The following AZI2 variants were observed in gnomAD, a reference collection of about 807,000 sequenced individuals.
AZI2 encodes 5-azacytidine-induced protein 2.
A neutral mutation model predicts 45.8 loss-of-function variants in AZI2; 22 were observed. The ratio of observed to expected loss-of-function variants is 0.48; its 90% CI spans 0.34 to 0.69. The LOEUF is 0.69. Ranked by LOEUF, AZI2 falls within the 30% of genes least tolerant of loss-of-function variation. The probability of loss-of-function intolerance (pLI) is 0.01; values close to 1 mark genes in which losing one functional copy is unlikely to be tolerated. For missense variants in AZI2, 417 were observed against 441.5 expected, an observed-to-expected ratio of 0.94 and a Z score of 0.50; for synonymous variants, 137 against 156.7, an observed-to-expected ratio of 0.87 and a Z score of 0.94.
At position 28,324,469 on chromosome 3, in the gene AZI2, C is replaced by T. The variant is rs369262666; in HGVS notation, c.767-15G>A. ...AGGGGCACAGGCTAAAAAGAAAACA[C>T]AGACTAAATGTCAGTTTTCATTACA... On this transcript the variant is annotated splice_polypyrimidine_tract_variant and intron_variant, in intron 7 of 7. Transcript: ENST00000479665. The T allele has an allele frequency of 3.2e-5, 47 of 1,450,288 alleles. No individual in the cohort carries two copies. The highest frequency in any genetic ancestry group is 4.2e-5 in the Non-Finnish European group (46 of 1,094,858). The allele number at this position is 1,450,288 out of a possible 1,614,324, so 89.8% of individuals were successfully genotyped here. A position where few individuals can be genotyped will look rare whatever the true frequency, so the allele number is the denominator to read the frequency against.
intron 1 of AZI2, among the ~76,000 whole-genome samples, chr3:28,341,284 A>G (rs1704008302): frequency 6.6e-6 from 1 of 152,062 alleles, no homozygotes; most frequent in Non-Finnish European, 1.5e-5. Flanking sequence ...AATATGTATC[A>G]TCTATATTTT....
intron 1 of AZI2, chr3:28,341,669 G>A (rs1266620041): frequency 1.3e-5 from 2 of 151,690 alleles, no homozygotes; most frequent in East Asian, 3.9e-4. Context: ...AGAATAAGAG[G>A]GACTTTAGAC....
chr3:28,330,302 TAC>T (rs1703525801), intron 6 of AZI2, among the ~76,000 whole-genome samples: 1 of 151,120 alleles, frequency 6.6e-6, no homozygotes, highest in African/African-American at 2.4e-5. Context: ...AACAGTATAC[TAC>T]ACCTCATTTG....
At chr3:28,334,186 G>A (rs1434434878) in intron 5 of AZI2, among the ~76,000 whole-genome samples, 1 of 151,680 alleles carries the variant, frequency 6.6e-6, no homozygotes, top group African/African-American at 2.4e-5. Flanking sequence ...ATCCATGTAG[G>A]ATGCTATTAC....
At chr3:28,346,991 T>C (rs1483242136) in intron 1 of AZI2, among the ~76,000 whole-genome samples, 3 of 152,224 alleles carry the variant, frequency 2.0e-5, no homozygotes, top group Non-Finnish European at 4.4e-5. Flanking sequence ...TCAGTTTGTA[T>C]TGCACAGATC....
At position 28,322,226 on chromosome 3, in the gene AZI2, T is replaced by C. The variant is rs546713295; in HGVS notation, c.*1816A>G. ...TGATAGCTATCATCACTGTACTGTT[T>C]AAATGGAAAATAATTTTCTCCACTC... On this transcript the variant is annotated 3_prime_UTR_variant, in exon 8 of 8. Transcript: ENST00000479665. 1 of 151,372 alleles carries C rather than the reference T, an allele frequency of 6.6e-6. No homozygotes were observed. Among genetic ancestry groups the C allele is most frequent in the African/African-American group, 2.4e-5 (1 of 41,460 alleles). 9.4% of individuals were successfully genotyped at this position (151,372 alleles called of 1,614,324 possible).
intron 7 of AZI2, 121 bp downstream of exon 7, chr3:28,326,711 G>A (rs1703404492): frequency 2.5e-6 from 2 of 808,050 alleles, no homozygotes; most frequent in African/African-American, 1.7e-5. Flanking sequence ...GGCTGCGAAT[G>A]TACTATATAT....
chr3:28,345,997 G>C (rs926605087), intron 1 of AZI2, among the ~76,000 whole-genome samples: 1 of 152,054 alleles, frequency 6.6e-6, no homozygotes, highest in African/African-American at 2.4e-5. Flanking sequence ...GCTAAGTACT[G>C]TTATGAAGAA....
At chr3:28,341,673 T>C (rs1162277871) in intron 1 of AZI2, 1 of 152,090 alleles carries the variant, frequency 6.6e-6, no homozygotes, top group Non-Finnish European at 1.5e-5. Flanking sequence ...TAAGAGGGAC[T>C]TTAGACCATG....
In AZI2 at chr3:28,321,792, CAGTA is replaced by C. The variant is rs536718220; in HGVS notation, c.*2246_*2249del. ...ATTCAGTTCCATTTTGGCAGCAACT[CAGTA>C]AGTCTTACAGATGTAAATTTTACTT... On this transcript the variant is annotated 3_prime_UTR_variant, in exon 8 of 8. Transcript: ENST00000479665. The C allele has an allele frequency of 1.3e-5, 2 of 151,408 alleles. No homozygotes were observed. Among genetic ancestry groups the C allele is most frequent in the East Asian group, 1.9e-4 (1 of 5,144 alleles). The allele number at this position is 151,408 out of a possible 1,614,324, so 9.4% of individuals were successfully genotyped here. A position where few individuals can be genotyped will look rare whatever the true frequency, so the allele number is the denominator to read the frequency against.
intron 6 of AZI2, 101 bp from the exon 7 acceptor site, chr3:28,327,051 G>A: frequency 1.3e-6 from 1 of 772,648 alleles, no homozygotes; most frequent in South Asian, 1.7e-5. Flanking sequence ...GCTCCAATTA[G>A]TTTTGAGATG....
chr3:28,330,772 G>A (rs1322844161), intron 6 of AZI2, among the ~76,000 whole-genome samples: 1 of 151,320 alleles, frequency 6.6e-6, no homozygotes, highest in East Asian at 1.9e-4. Flanking sequence ...AAGTGTATAT[G>A]AGCACTAAGA....
In AZI2 at chr3:28,328,970, GTA is replaced by G. The variant is rs780731572; in HGVS notation, c.648-2022_648-2021del. The stretch of plus-strand genomic sequence containing the variant: ...CTTATCTAGGTATTTCAAAGACAAT[GTA>G]TAGATTGTGACCTTCCTATCCTCAC... On this transcript the variant is annotated intron_variant, in intron 6 of 7. Coordinates refer to ENST00000479665, the MANE Select transcript of AZI2 (RefSeq NM_022461.5). Among the ~76,000 whole-genome samples, 98 of 151,302 alleles carry G rather than the reference GTA, an allele frequency of 6.5e-4. 2 individuals carry two copies. Among genetic ancestry groups the G allele is most frequent in the Non-Finnish European group, 1.1e-3 (73 of 67,466 alleles).
Position 28,336,866 on chromosome 3 carries a change from T to G in AZI2, c.459A>C (p.Pro153=), listed in dbSNP as rs1424166661. 5 of 1,613,164 alleles carry G rather than the reference T, an allele frequency of 3.1e-6. No individual in the cohort carries two copies. In the South Asian group the frequency reaches 4.4e-5, roughly 14 times the overall value. Residue 153 remains proline, a synonymous_variant, in exon 5 of 8, where the codon CCA becomes CCC. Transcript: ENST00000479665. ...TTTCCACCTCCCAGTTTGATGAAGG[T>G]GGATTTAAATTCCTCATCACTACAA... ...ETQQVMRNLN[P]PSSNWEVEKL... is the part of the protein sequence containing the mutation.
Position 28,344,382 on chromosome 3 carries a change from C to A in AZI2, c.-5-3760G>T, listed in dbSNP as rs373985868. On this transcript the variant is annotated intron_variant, in intron 1 of 7. Transcript: ENST00000479665. The stretch of plus-strand genomic sequence containing the variant: ...ATGAGATCATAGAAAGGAAACAATA[C>A]AAGGCAGATATCCCATTATATTTAT... 6.8e-4 allele frequency among the ~76,000 whole-genome samples: 103 copies of A among 152,030 alleles called. 2 individuals carry two copies. Among genetic ancestry groups the A allele is most frequent in the African/African-American group, 2.3e-3 (96 of 41,508 alleles).
At chr3:28,332,630 A>G (rs1399082464) in intron 5 of AZI2, among the ~76,000 whole-genome samples, 1 of 151,748 alleles carries the variant, frequency 6.6e-6, no homozygotes. Context: ...AATGGTTTAA[A>G]GTATTAATGC....
chr3:28,324,571 A>G (rs1276666976), intron 7 of AZI2, 117 bp from the exon 8 acceptor site: 5 of 968,284 alleles, frequency 5.2e-6, no homozygotes, highest in Non-Finnish European at 7.0e-6. Flanking sequence ...TTTCCAAGTT[A>G]GTGTGATCAT....
At chr3:28,347,073 C>G (rs1704268377) in intron 1 of AZI2, among the ~76,000 whole-genome samples, 1 of 152,054 alleles carries the variant, frequency 6.6e-6, no homozygotes, top group South Asian at 2.1e-4. Context: ...ACAGTAATAC[C>G]TCTAATGCAA....
intron 1 of AZI2, among the ~76,000 whole-genome samples, chr3:28,342,901 T>G (rs1392300519): frequency 6.6e-6 from 1 of 152,042 alleles, no homozygotes; most frequent in African/African-American, 2.4e-5. Flanking sequence ...TTATTCGATG[T>G]GGATTTTTTC....
Sources: allele counts gnomAD v4.1 joint callset (sites outside exome capture counted in the v4.1 genomes callset), GRCh38; gene constraint gnomAD v4.1.1; transcripts MANE v1.5; gene names NCBI Gene and HGNC (gene_info 2026-07-23, HGNC 2026-07-21).